The following TRAF2 variants were observed in gnomAD, a reference collection of about 807,000 sequenced individuals.
TRAF2 encodes the protein TNF receptor-associated factor 2.
Under a neutral mutation model 55.6 loss-of-function variants are expected in TRAF2, and 6 were observed. The observed-to-expected ratio is 0.11, with a 90% CI of 0.06 to 0.21. The LOEUF is 0.21. Ranked by LOEUF, TRAF2 falls within the 10% of genes least tolerant of loss-of-function variation. The pLI is 1.00. For synonymous variants in TRAF2, 329 were observed against 276.3 expected (o/e 1.19, Z -1.89); for missense variants, 561 against 684.5 (o/e 0.82, Z 2.01).
rs1420173274 is a variant in TRAF2, at chr9:136,920,486, C to A, written c.931C>A (p.Gln311Lys). The A allele has an allele frequency of 1.9e-6, 3 of 1,612,960 alleles. No homozygotes were observed. In the East Asian group the frequency reaches 6.7e-5, roughly 36 times the overall value. ...CTGCAGCCGGCAGCACCGGCTGGAC[C>A]AAGACAAGATTGAAGCCCTGAGTAG... is the stretch of plus-strand genomic sequence containing the variant. ...EACSRQHRLDQDKIEALSSKV... is the reference protein window; with the variant it reads ...EACSRQHRLDKDKIEALSSKV... Residue 311 changes from glutamine to lysine, a missense_variant, in exon 8 of 11, where the codon CAA becomes AAA. Transcript: ENST00000247668.
intron 6 of TRAF2, among the ~76,000 whole-genome samples, chr9:136,915,914 G>A (rs1284506597): frequency 2.0e-5 from 3 of 151,950 alleles, no homozygotes; most frequent in South Asian, 2.1e-4. Flanking sequence ...TCTGGCATGT[G>A]TGGGTTTGGT....
At chr9:136,903,770 C>T (rs1447810979) in intron 4 of TRAF2, among the ~76,000 whole-genome samples, 2 of 152,224 alleles carry the variant, frequency 1.3e-5, no homozygotes, top group East Asian at 1.9e-4. Flanking sequence ...CAAGCTCCGC[C>T]TCCCGGGTTC....
upstream of TRAF2, among the ~76,000 whole-genome samples, chr9:136,884,575 GAGAC>G (rs2131264991): frequency 1.6e-5 from 1 of 60,750 alleles, no homozygotes; most frequent in South Asian, 6.7e-4. Flanking sequence ...AGAAAAAAAA[GAGAC>G]AGGGTCTCAC....
chr9:136,912,765 A>AG (rs1483394810), intron 6 of TRAF2, among the ~76,000 whole-genome samples: 1 of 152,030 alleles, frequency 6.6e-6, no homozygotes, highest in East Asian at 1.9e-4. Context: ...TGAACCCAGG[A>AG]GGTGGAGGTT....
At chr9:136,897,049 G>T (rs548773027) in intron 1 of TRAF2, among the ~76,000 whole-genome samples, 5 of 152,304 alleles carry the variant, frequency 3.3e-5, no homozygotes, top group Non-Finnish European at 7.3e-5. Context: ...GCCCAACCCT[G>T]ACCAGGCCCC....
At chr9:136,911,028 TGGAGGTGCCCCCG>T (rs2131312828) in intron 6 of TRAF2, among the ~76,000 whole-genome samples, 2 of 152,328 alleles carry the variant, frequency 1.3e-5, no homozygotes, top group South Asian at 2.1e-4. Flanking sequence ...TGGTGGGGCC[TGGAGGTGCCCCCG>T]AGAGGTGCCC....
At chr9:136,900,568 G>T (rs1187407707) in intron 4 of TRAF2, 48 bp downstream of exon 4, 1 of 1,524,774 alleles carries the variant, frequency 6.6e-7, no homozygotes, top group Non-Finnish European at 9.1e-7. Context: ...CAGCAGTCGG[G>T]AGTCGTCCAC....
At position 136,925,640 on chromosome 9, in the gene TRAF2, G is replaced by A. The variant is rs374798362; in HGVS notation, c.1288-43G>A. 1.5e-4 allele frequency: 233 copies of A among 1,595,906 alleles called. 1 individual carries two copies. The highest frequency in any genetic ancestry group is 6.9e-4 in the Middle Eastern group (4 of 5,824). On this transcript the variant is annotated intron_variant, in intron 10 of 10. Coordinates refer to ENST00000247668, the MANE Select transcript of TRAF2 (RefSeq NM_021138.4). Reference sequence around the variant, plus strand: ...AGACCCTCGGGAGCCAGAGAGAGACGGCCCACAGACCTGTGTCCCCTCCCT... The same window carrying A: ...AGACCCTCGGGAGCCAGAGAGAGACAGCCCACAGACCTGTGTCCCCTCCCT...
chr9:136,892,407 T>C (rs1286303057), intron 1 of TRAF2, among the ~76,000 whole-genome samples: 1 of 151,138 alleles, frequency 6.6e-6, no homozygotes, highest in Non-Finnish European at 1.5e-5. Context: ...GAGGTTGCAG[T>C]GAGCCAAGAT....
upstream of TRAF2, among the ~76,000 whole-genome samples, chr9:136,885,613 C>G (rs1465768561): frequency 6.6e-6 from 1 of 152,124 alleles, no homozygotes; most frequent in Admixed American, 6.6e-5. Flanking sequence ...ATCAAAAATA[C>G]AAACATTAGC....
upstream of TRAF2, among the ~76,000 whole-genome samples, chr9:136,884,496 G>A (rs1282608349): frequency 2.0e-5 from 3 of 152,028 alleles, no homozygotes; most frequent in African/African-American, 4.8e-5. Flanking sequence ...GGAGGCAGAG[G>A]TTGCAGTGAG....
chr9:136,911,719 G>A (rs1588436531), intron 6 of TRAF2, among the ~76,000 whole-genome samples: 1 of 152,280 alleles, frequency 6.6e-6, no homozygotes, highest in East Asian at 1.9e-4. Context: ...CCGACATATA[G>A]GGGCTGCATG....
Position 136,925,854 on chromosome 9 carries a change from G to T in TRAF2, c.1459G>T (p.Asp487Tyr). Reference protein sequence around the residue: ...KMEAKNSYVRDDAIFIKAIVD... With the variant: ...KMEAKNSYVRYDAIFIKAIVD... ...GGAGGCAAAGAATTCCTACGTGCGGGACGATGCCATCTTCATCAAGGCCAT... is the reference window on the plus strand; with the variant it reads ...GGAGGCAAAGAATTCCTACGTGCGGTACGATGCCATCTTCATCAAGGCCAT... The change falls in exon 11 of 11, where the codon GAC becomes TAC. Residue 487 changes from aspartate (D) to tyrosine (Y), a missense_variant. This residue lies in a region of TRAF2 where 135 missense variants were observed against 207.7 expected (regional missense o/e 0.65). Transcript: ENST00000247668. 1 of 1,614,248 alleles carries T rather than the reference G, an allele frequency of 6.2e-7. No homozygotes were observed. Among genetic ancestry groups the T allele is most frequent in the Non-Finnish European group, 8.5e-7 (1 of 1,180,054 alleles).
intron 4 of TRAF2, among the ~76,000 whole-genome samples, chr9:136,904,468 C>G (rs529098256): frequency 3.3e-5 from 5 of 152,232 alleles, no homozygotes; most frequent in Middle Eastern, 3.4e-3. Context: ...TGCAGTGGCA[C>G]GATCCCGGCT....
At chr9:136,893,021 A>G (rs951932371) in intron 1 of TRAF2, among the ~76,000 whole-genome samples, 4 of 152,204 alleles carry the variant, frequency 2.6e-5, no homozygotes, top group Non-Finnish European at 5.9e-5. Context: ...ACGTACATGT[A>G]TGTAGCACGT....
chr9:136,913,890 T>G lies in TRAF2; in HGVS notation c.604-2651T>G, dbSNP rs542663054. Among the ~76,000 whole-genome samples the G allele has an allele frequency of 5.9e-5, 9 of 152,254 alleles. No homozygotes were observed. In the South Asian group the frequency reaches 1.3e-3, roughly 21 times the overall value. ...CTTGGTCGGGTTCCTCACCACTGCC[T>G]GGGACATGTGCAGGGCTGAGCCGAG... On this transcript the variant is annotated intron_variant, in intron 6 of 10. Coordinates refer to ENST00000247668, the MANE Select transcript of TRAF2 (RefSeq NM_021138.4).
chr9:136,920,716 C>G (rs921132833), intron 8 of TRAF2, among the ~76,000 whole-genome samples: 1 of 152,180 alleles, frequency 6.6e-6, no homozygotes, highest in Non-Finnish European at 1.5e-5. Flanking sequence ...GGGCCCAAAC[C>G]CTGGAAGGTC....
In TRAF2 at chr9:136,920,336, C is replaced by A; in HGVS notation, c.781C>A (p.Gln261Lys). The A allele has an allele frequency of 6.2e-7, 1 of 1,614,058 alleles. No individual in the cohort carries two copies. The highest frequency in any genetic ancestry group is 8.5e-7 in the Non-Finnish European group (1 of 1,180,032). Reference sequence around the variant, plus strand: ...GGAGGCAAAGCCCCTCTTGGGAGACCAGAGCCACGCGGGGTCAGAGCTCCT... The same window carrying A: ...GGAGGCAAAGCCCCTCTTGGGAGACAAGAGCCACGCGGGGTCAGAGCTCCT... ...VLEAKPLLGD[Q>K]SHAGSELLQR... is the part of the protein sequence containing the mutation. Residue 261 changes from glutamine (Q) to lysine (K), a missense_variant, in exon 8 of 11, where the codon CAG (glutamine) becomes AAG (lysine). Around this residue, in one of 2 missense-constraint regions of TRAF2, gnomAD observed 426 missense variants for 476.8 expected, o/e 0.89. Transcript: ENST00000247668.
At chr9:136,901,098 C>T (rs554996090) in intron 4 of TRAF2, among the ~76,000 whole-genome samples, 1 of 152,250 alleles carries the variant, frequency 6.6e-6, no homozygotes, top group East Asian at 1.9e-4. Context: ...TGGTTTGTCC[C>T]TGTGTGCTGG....
Sources: allele counts gnomAD v4.1 joint callset (sites outside exome capture counted in the v4.1 genomes callset), GRCh38; gene constraint gnomAD v4.1.1; regional missense constraint gnomAD v4.1.1; transcripts MANE v1.5; gene names NCBI Gene and HGNC (gene_info 2026-07-23, HGNC 2026-07-21).